Variants in CACNG3 observed in about 807,000 individuals in gnomAD.
CACNG3 encodes calcium voltage-gated channel auxiliary subunit gamma 3, also known as voltage-dependent calcium channel gamma-3 subunit.
In CACNG3, 3 loss-of-function variants were observed where a neutral mutation model predicts 28.5. The observed-to-expected ratio is 0.11, with a 90% CI of 0.05 to 0.27. The LOEUF (loss-of-function observed/expected upper bound fraction) is 0.27. CACNG3 is among the 10% of genes least tolerant of loss of function. CACNG3 has a pLI of 1.00. For synonymous variants in CACNG3, 174 were observed against 162.2 expected (o/e 1.07, Z -0.55); for missense variants, 236 against 414.4 (o/e 0.57, Z 3.74).
chr16:24,320,872 G>A (rs972216625), intron 1 of CACNG3, among the ~76,000 whole-genome samples: 2 of 152,112 alleles, frequency 1.3e-5, no homozygotes, highest in African/African-American at 4.8e-5. Context: ...TGGGACCACA[G>A]GCATGCAACA....
At chr16:24,276,100 T>C (rs1485473695) in intron 1 of CACNG3, among the ~76,000 whole-genome samples, 2 of 152,238 alleles carry the variant, frequency 1.3e-5, no homozygotes, top group African/African-American at 4.8e-5. Flanking sequence ...TTCATAAACT[T>C]CAAGTCTAAC....
chr16:24,346,656 C>A, intron 1 of CACNG3, 78 bp from the exon 2 acceptor site: 1 of 922,076 alleles, frequency 1.1e-6, no homozygotes, highest in Non-Finnish European at 1.7e-6. Context: ...AGGATCTGCA[C>A]ATAGCGGTGA....
Position 24,256,372 on chromosome 16 carries a change from G to T in CACNG3, c.-383G>T. 1 of 261,688 alleles carries T rather than the reference G, an allele frequency of 3.8e-6. No individual in the cohort carries two copies. The highest frequency in any genetic ancestry group is 5.2e-5 in the South Asian group (1 of 19,054). The allele number at this position is 261,688 out of a possible 1,614,324, so 16.2% of individuals were successfully genotyped here. The stretch of plus-strand genomic sequence containing the variant: ...AGACCTCTCTGGGTTTCTTTGCCTT[G>T]AGTCTCCCGGGGCTGTGAGAAGCCA... On this transcript the variant is annotated 5_prime_UTR_variant, in exon 1 of 4. Coordinates refer to ENST00000005284, the MANE Select transcript of CACNG3 (RefSeq NM_006539.4). The surrounding 1 kb of genome is among the most constrained non-coding windows in gnomAD (Gnocchi z 4.6).
intron 1 of CACNG3, among the ~76,000 whole-genome samples, chr16:24,269,271 T>TC (rs1898653544): frequency 6.6e-6 from 1 of 152,194 alleles, no homozygotes; most frequent in Non-Finnish European, 1.5e-5. Context: ...CACCTTGAAT[T>TC]TTTTTCCAGA....
chr16:24,266,554 A>G (rs1044346869), intron 1 of CACNG3, among the ~76,000 whole-genome samples: 1 of 152,214 alleles, frequency 6.6e-6, no homozygotes, highest in Admixed American at 6.5e-5. Flanking sequence ...AGGGAAAACG[A>G]TACCCTAAGT....
At chr16:24,288,180 A>AGTGATG (rs890962665) in intron 1 of CACNG3, among the ~76,000 whole-genome samples, 16 of 152,278 alleles carry the variant, frequency 1.1e-4, no homozygotes, top group South Asian at 2.1e-4. Context: ...CAGAGCTAGA[A>AGTGATG]GTGATGGTGA....
Position 24,362,198 on chromosome 16 carries a change from G to T in CACNG3, c.*335G>T, listed in dbSNP as rs28671632. The T allele has an allele frequency of 1.9e-5, 4 of 208,866 alleles. No individual in the cohort carries two copies. The highest frequency in any genetic ancestry group is 2.9e-5 in the Non-Finnish European group (3 of 104,454). The allele number at this position is 208,866 out of a possible 1,614,324, so 12.9% of individuals were successfully genotyped here. ...AAAAGTCACAGGTGGTGGCCAGGGG[G>T]GATTTCCGAATCTCCATCAGGCGCG... On this transcript the variant is annotated 3_prime_UTR_variant, in exon 4 of 4. Coordinates refer to ENST00000005284, the MANE Select transcript of CACNG3 (RefSeq NM_006539.4).
chr16:24,308,440 G>T (rs2141363308), intron 1 of CACNG3, among the ~76,000 whole-genome samples: 1 of 152,288 alleles, frequency 6.6e-6, no homozygotes, highest in East Asian at 1.9e-4. Flanking sequence ...GTGCAACTTT[G>T]TGCTGCTGGG....
chr16:24,329,375 G>T lies in CACNG3; in HGVS notation c.212-17359G>T, dbSNP rs1481442304. On this transcript the variant is annotated intron_variant, in intron 1 of 3. Transcript: ENST00000005284. ...TGACCAGCGAAGGTTGAAATAAGCA[G>T]TCCAGGGTAGCTGGAGACAGATCCA... Among the ~76,000 whole-genome samples the T allele has an allele frequency of 2.0e-5, 3 of 152,220 alleles. No homozygotes were observed. In the East Asian group the frequency reaches 5.8e-4, roughly 29 times the overall value.
Position 24,298,289 on chromosome 16 carries a change from T to C in CACNG3, c.211+41324T>C, listed in dbSNP as rs1482658902. ...ATCATCCTTTCTATATCAGATATTTTACTCCATCACTTAATGACTGGATAA... is the reference window on the plus strand; with the variant it reads ...ATCATCCTTTCTATATCAGATATTTCACTCCATCACTTAATGACTGGATAA... On this transcript the variant is annotated intron_variant, in intron 1 of 3. Transcript: ENST00000005284. Among the ~76,000 whole-genome samples the C allele has an allele frequency of 3.3e-5, 5 of 152,296 alleles. No individual in the cohort carries two copies. In the South Asian group the frequency reaches 8.3e-4, roughly 25 times the overall value.
rs1350931056 is a variant in CACNG3, at chr16:24,361,975, A to G, written c.*112A>G. The stretch of plus-strand genomic sequence containing the variant: ...GTGATGGTATTACTTTTTACAAAGA[A>G]TGAAACCAAATGGACTCAGCCCTCT... On this transcript the variant is annotated 3_prime_UTR_variant, in exon 4 of 4. Transcript: ENST00000005284. The surrounding 1 kb of genome is among the most constrained non-coding windows in gnomAD (Gnocchi z 6.8). 3 of 1,077,872 alleles carry G rather than the reference A, an allele frequency of 2.8e-6. No homozygotes were observed. Among genetic ancestry groups the G allele is most frequent in the African/African-American group, 1.6e-5 (1 of 63,036 alleles). The allele number at this position is 1,077,872 out of a possible 1,614,324, so 66.8% of individuals were successfully genotyped here.
rs12596199 is a variant in CACNG3 at position 24,269,329 on chromosome 16, A to C, written c.211+12364A>C. Among the ~76,000 whole-genome samples, 5,028 of 152,278 alleles carry C rather than the reference A, an allele frequency of 0.033. 613 individuals carry two copies. The East Asian group carries it at 0.42, about 13-fold the overall frequency. ...AAGCTTTTCCTAGTGAACTTATACT[A>C]ATCCCTAACAATTACTGTTTTACTC... On this transcript the variant is annotated intron_variant, in intron 1 of 3. Coordinates refer to ENST00000005284, the MANE Select transcript of CACNG3 (RefSeq NM_006539.4).
intron 1 of CACNG3, among the ~76,000 whole-genome samples, chr16:24,278,076 G>C (rs1017880290): frequency 3.3e-5 from 5 of 152,118 alleles, no homozygotes; most frequent in African/African-American, 1.2e-4. Flanking sequence ...GACGTAAGAA[G>C]GGAGCAGGAG....
chr16:24,331,434 C>T (rs1899629974), intron 1 of CACNG3, among the ~76,000 whole-genome samples: 2 of 152,210 alleles, frequency 1.3e-5, no homozygotes, highest in African/African-American at 4.8e-5. Flanking sequence ...AGGCATACCT[C>T]TGTGGACTCT....
At chr16:24,295,232 A>G (rs1316531452) in intron 1 of CACNG3, among the ~76,000 whole-genome samples, 1 of 152,130 alleles carries the variant, frequency 6.6e-6, no homozygotes, top group Non-Finnish European at 1.5e-5. Context: ...TGGAGCCCCG[A>G]TGTACTTCCT....
At chr16:24,315,235 C>A (rs1393935660) in intron 1 of CACNG3, among the ~76,000 whole-genome samples, 1 of 152,178 alleles carries the variant, frequency 6.6e-6, no homozygotes, top group Non-Finnish European at 1.5e-5. Context: ...TGGTTTTGCA[C>A]CTTTCACCAA....
intron 1 of CACNG3, among the ~76,000 whole-genome samples, chr16:24,342,019 GC>G (rs1899797091): frequency 6.6e-6 from 1 of 152,224 alleles, no homozygotes; most frequent in Admixed American, 6.5e-5. Flanking sequence ...TGTCATCCCA[GC>G]GCTTTGGGAG....
intron 1 of CACNG3, among the ~76,000 whole-genome samples, chr16:24,262,931 A>G (rs1898554964): frequency 6.6e-6 from 1 of 152,218 alleles, no homozygotes; most frequent in Non-Finnish European, 1.5e-5. Flanking sequence ...TGTGTCAAGA[A>G]AAAAATAAAA....
At chr16:24,267,375 C>A (rs1898626376) in intron 1 of CACNG3, among the ~76,000 whole-genome samples, 1 of 152,044 alleles carries the variant, frequency 6.6e-6, no homozygotes, top group Non-Finnish European at 1.5e-5. Flanking sequence ...GCGGCCTCGA[C>A]CTCCTGGGCT....
Sources: gnomAD v4.1 joint callset for allele counts (sites outside exome capture counted in the v4.1 genomes callset) on GRCh38, gnomAD v4.1.1 for gene constraint, Gnocchi (gnomAD v3.1) non-coding constraint, MANE v1.5 for transcripts, NCBI Gene and HGNC (gene_info 2026-07-23, HGNC 2026-07-21) for gene names.